The following DMD variants were observed in gnomAD, a reference collection of about 807,000 sequenced individuals.
The protein encoded by DMD is dystrophin.
Under a neutral mutation model 330.1 loss-of-function variants are expected in DMD, and 63 were observed. That is an observed-to-expected ratio of 0.19 (90% CI 0.16 to 0.24). The LOEUF is 0.24. Among genes scored for constraint, DMD ranks in the 10% least tolerant of loss-of-function variants. The pLI is 1.00. For missense variants in DMD, 3,344 were observed against 2,684.1 expected (o/e 1.25, Z -5.43); for synonymous variants, 1,223 against 959.8 (o/e 1.27, Z -5.07).
At chrX:31,513,520 C>T (rs1310087927) in intron 55 of DMD, among the ~76,000 whole-genome samples, 1 of 110,864 alleles carries the variant, frequency 9.0e-6, no homozygotes, top group Non-Finnish European at 1.9e-5. Context: ...CCAATCTGGA[C>T]AAAGGATAAT....
chrX:31,557,661 A>G (rs2074928197), intron 55 of DMD, among the ~76,000 whole-genome samples: 1 of 112,183 alleles, frequency 8.9e-6, no homozygotes, highest in Non-Finnish European at 1.9e-5. Context: ...TCTATCAAAC[A>G]ATAGTGCATC....
chrX:32,291,019 G>A (rs2097465488), intron 42 of DMD, among the ~76,000 whole-genome samples: 1 of 111,585 alleles, frequency 9.0e-6, no homozygotes, highest in African/African-American at 3.3e-5. Flanking sequence ...AGAGCTAGTA[G>A]GTAACACACA....
intron 55 of DMD, among the ~76,000 whole-genome samples, chrX:31,593,695 G>C (rs1243291984): frequency 9.1e-6 from 1 of 110,464 alleles, no homozygotes; most frequent in Non-Finnish European, 1.9e-5. Flanking sequence ...ACATTTTCAT[G>C]TGTATTTGGC....
chrX:31,376,354 G>A (rs1257895035), intron 60 of DMD, among the ~76,000 whole-genome samples: 1 of 112,380 alleles, frequency 8.9e-6, no homozygotes, highest in Non-Finnish European at 1.9e-5. Flanking sequence ...GATGTGCTTA[G>A]ATATCCTGAT....
intron 1 of DMD, among the ~76,000 whole-genome samples, chrX:33,070,639 ATCTCTCTC>A (rs1291687487): frequency 1.4e-4 from 3 of 21,410 alleles, no homozygotes; most frequent in African/African-American, 4.3e-4. Context: ...GTATCTATCC[ATCTCTCTC>A]TCTCTCTCTC....
chrX:31,494,447 A>G (rs1277416580), intron 57 of DMD, among the ~76,000 whole-genome samples: 1 of 111,888 alleles, frequency 8.9e-6, no homozygotes, highest in Non-Finnish European at 1.9e-5. Context: ...CAGAGGAACT[A>G]ATGTATAAAA....
At chrX:32,429,858 AT>A (rs2098230900) in intron 29 of DMD, among the ~76,000 whole-genome samples, 1 of 110,984 alleles carries the variant, frequency 9.0e-6, no homozygotes. Flanking sequence ...ATTCTTATAT[AT>A]TTTTTGCAAC....
chrX:32,531,773 G>A (rs753469756), intron 17 of DMD, among the ~76,000 whole-genome samples: 5 of 110,163 alleles, frequency 4.5e-5, no homozygotes, highest in African/African-American at 1.3e-4. Flanking sequence ...AAAAAAATAA[G>A]GATAAGTCAA....
chrX:32,460,380 G>A (rs1246376661), intron 25 of DMD, among the ~76,000 whole-genome samples: 1 of 109,146 alleles, frequency 9.2e-6, no homozygotes, highest in Non-Finnish European at 1.9e-5. Context: ...TTTCTACCTG[G>A]ACAATTGCAA....
intron 50 of DMD, among the ~76,000 whole-genome samples, chrX:31,792,606 G>A (rs758642059): frequency 1.6e-4 from 18 of 112,196 alleles, no homozygotes; most frequent in African/African-American, 5.5e-4. Flanking sequence ...AACGAAGCAG[G>A]ATATTTCCCT....
chrX:33,208,605 C>T (rs893826110), intron 1 of DMD, among the ~76,000 whole-genome samples: 1 of 110,669 alleles, frequency 9.0e-6, no homozygotes, highest in African/African-American at 3.3e-5. Flanking sequence ...GAAAAATGAA[C>T]AGAAAATTAT....
At chrX:32,076,632 G>C (rs767844317) in intron 44 of DMD, among the ~76,000 whole-genome samples, 1 of 111,560 alleles carries the variant, frequency 9.0e-6, no homozygotes, top group Admixed American at 9.5e-5. Context: ...GCCCGCCTCA[G>C]GCTCCCAAAG....
chrX:31,180,680 A>T (rs1178651810), intron 68 of DMD, among the ~76,000 whole-genome samples, 199 bp from the exon 69 acceptor site: 1 of 111,853 alleles, frequency 8.9e-6, no homozygotes, highest in East Asian at 2.8e-4. Flanking sequence ...TTTGGCAGAA[A>T]GATTATCCTA....
chrX:32,696,378 C>A (rs1461212184), intron 9 of DMD, among the ~76,000 whole-genome samples: 1 of 112,173 alleles, frequency 8.9e-6, no homozygotes, highest in African/African-American at 3.2e-5. Flanking sequence ...TCCCCCATCT[C>A]TTGTGATTTG....
intron 44 of DMD, among the ~76,000 whole-genome samples, chrX:32,191,378 T>G (rs954980430): frequency 8.9e-6 from 1 of 112,179 alleles, no homozygotes; most frequent in Non-Finnish European, 1.9e-5. Context: ...TATGAACAAC[T>G]AACTAACTTC....
In DMD at chrX:31,180,415, T is replaced by G. The variant is rs1458677875; in HGVS notation, c.10041A>C (p.Ala3347=). Residue 3347 remains alanine, a synonymous_variant, in exon 69 of 79, where the codon GCA becomes GCC. Coordinates refer to ENST00000357033, the MANE Select transcript of DMD (RefSeq NM_004006.3). The stretch of plus-strand genomic sequence containing the variant: ...TGGGATAGTGCATTTTATGGCCTTT[T>G]GCAACTCGACCAGAAAAAAAGCAGC... The part of the protein sequence containing the change: ...CQSCFFSGRV[A]KGHKMHYPMV... 1 of 1,210,896 alleles carries G rather than the reference T, an allele frequency of 8.3e-7. No homozygotes were observed. Among genetic ancestry groups the G allele is most frequent in the South Asian group, 1.8e-5 (1 of 56,960 alleles).
At chrX:31,687,919 T>C (rs769722773) in intron 52 of DMD, among the ~76,000 whole-genome samples, 4 of 111,416 alleles carry the variant, frequency 3.6e-5, no homozygotes, top group Non-Finnish European at 7.5e-5. Flanking sequence ...TGAATGTTGG[T>C]ATCTTTCTCT....
chrX:32,841,428 C>T (rs1284406677), intron 4 of DMD, among the ~76,000 whole-genome samples: 1 of 111,374 alleles, frequency 9.0e-6, no homozygotes, highest in South Asian at 3.8e-4. Context: ...AGTGGGAGAA[C>T]CTAGTTCACC....
At chrX:32,151,711 G>C (rs780843734) in intron 44 of DMD, among the ~76,000 whole-genome samples, 1 of 101,586 alleles carries the variant, frequency 9.8e-6, no homozygotes, top group East Asian at 3.1e-4. Context: ...CAACATGCCA[G>C]CGAAACATGG....
Sources: allele counts gnomAD v4.1 joint callset (sites outside exome capture counted in the v4.1 genomes callset), GRCh38; gene constraint gnomAD v4.1.1; transcripts MANE v1.5; gene names NCBI Gene and HGNC (gene_info 2026-07-23, HGNC 2026-07-21).